The following AQP1 variants were observed in gnomAD, a reference collection of about 807,000 sequenced individuals.
AQP1 encodes the protein aquaporin-1.
In AQP1, 11 loss-of-function variants were observed where a neutral mutation model predicts 19.7. The observed-to-expected ratio is 0.56, with a 90% confidence interval of 0.35 to 0.92. The LOEUF is 0.92. Ranked by LOEUF, AQP1 falls within the 40% of genes least tolerant of loss-of-function variation. AQP1 has a pLI of 0.01. For synonymous variants in AQP1, 159 were observed against 166.7 expected (o/e 0.95, Z 0.36); for missense variants, 320 against 369.7 (o/e 0.87, Z 1.10).
chr7:30,921,436 G>A (rs970653755), intron 1 of AQP1: 2 of 1,443,914 alleles, frequency 1.4e-6, no homozygotes, highest in Admixed American at 5.5e-5. Flanking sequence ...AGGGCCAGAA[G>A]CAATGGGAGA....
At chr7:30,915,714 T>C (rs561168462) in intron 1 of AQP1, among the ~76,000 whole-genome samples, 2 of 152,298 alleles carry the variant, frequency 1.3e-5, no homozygotes, top group African/African-American at 2.4e-5. Context: ...GCCTGACTGC[T>C]CAAGAAGTGT....
chr7:30,922,102 A>G lies in AQP1; in HGVS notation c.421A>G (p.Ile141Val). The change falls in exon 2 of 4, where the codon ATC becomes GTC. Residue 141 changes from isoleucine to valine, a missense_variant. Physicochemically the swap from Ile to Val is conservative, Grantham distance 29. Coordinates refer to ENST00000311813, the MANE Select transcript of AQP1 (RefSeq NM_198098.4). Reference sequence around the variant, plus strand: ...TGTGAACTCGGGCCAGGGCCTGGGCATCGAGATCATCGGGACCCTCCAGCT... The same window carrying G: ...TGTGAACTCGGGCCAGGGCCTGGGCGTCGAGATCATCGGGACCCTCCAGCT... ...DGVNSGQGLGIEIIGTLQLVL... is the reference protein window; with the variant it reads ...DGVNSGQGLGVEIIGTLQLVL... 1.2e-6 allele frequency: 2 copies of G among 1,614,072 alleles called. No homozygotes were observed. The highest frequency in any genetic ancestry group is 8.5e-7 in the Non-Finnish European group (1 of 1,180,012).
intron 1 of AQP1, among the ~76,000 whole-genome samples, chr7:30,919,698 G>T (rs1791449435): frequency 6.6e-6 from 1 of 152,002 alleles, no homozygotes; most frequent in Non-Finnish European, 1.5e-5. Context: ...AAATTTAATG[G>T]GTTGTAAACA....
chr7:30,916,792 T>C (rs778631041), intron 1 of AQP1, among the ~76,000 whole-genome samples: 18 of 152,176 alleles, frequency 1.2e-4, no homozygotes, highest in Admixed American at 3.3e-4. Flanking sequence ...TTGTTGATAT[T>C]GTTGTTGACA....
At position 30,921,472 on chromosome 7, in the gene AQP1, G is replaced by A. The variant is rs187858042; in HGVS notation, c.385-594G>A. 1.5e-4 allele frequency: 221 copies of A among 1,470,494 alleles called. 3 individuals carry two copies. The South Asian group carries it at 1.9e-3, about 13-fold the overall frequency. 91.1% of individuals were successfully genotyped at this position (1,470,494 alleles called of 1,614,324 possible). A position where few individuals can be genotyped will look rare whatever the true frequency, so the allele number is the denominator to read the frequency against. Reference sequence around the variant, plus strand: ...CAGGCCTTGGACCAAGGAAAGAGACGGGGTGGAGAAGGAGAGAGAGAGGGT... The same window carrying A: ...CAGGCCTTGGACCAAGGAAAGAGACAGGGTGGAGAAGGAGAGAGAGAGGGT... On this transcript the variant is annotated intron_variant, in intron 1 of 3. Coordinates refer to ENST00000311813, the MANE Select transcript of AQP1 (RefSeq NM_198098.4).
intron 2 of AQP1, 68 bp downstream of exon 2, chr7:30,922,298 A>G: frequency 6.6e-7 from 1 of 1,519,058 alleles, no homozygotes. Context: ...GTGCCCTGCC[A>G]TGGGCAGCCA....
chr7:30,916,459 G>A (rs929222496), intron 1 of AQP1, among the ~76,000 whole-genome samples: 3 of 152,250 alleles, frequency 2.0e-5, no homozygotes, highest in East Asian at 1.9e-4. Context: ...CCCTCACACC[G>A]GGAGGTGAAG....
At position 30,924,104 on chromosome 7, in the gene AQP1, A is replaced by T. The variant is rs1005122797; in HGVS notation, c.*475A>T. ...AGGGGGAAGAGATCCCAGGAGGTGCAGTGGAGGGGGCAAGCTTTGCTCCTT... is the reference window on the plus strand; with the variant it reads ...AGGGGGAAGAGATCCCAGGAGGTGCTGTGGAGGGGGCAAGCTTTGCTCCTT... On this transcript the variant is annotated 3_prime_UTR_variant, in exon 4 of 4. Coordinates refer to ENST00000311813, the MANE Select transcript of AQP1 (RefSeq NM_198098.4). The T allele has an allele frequency of 2.2e-5, 26 of 1,198,756 alleles. No individual in the cohort carries two copies. The highest frequency in any genetic ancestry group is 2.6e-5 in the Non-Finnish European group (25 of 945,820). The allele number at this position is 1,198,756 out of a possible 1,614,324, so 74.3% of individuals were successfully genotyped here.
rs1791543200 is a variant in AQP1, at chr7:30,922,415, C to T, written c.550-149C>T. On this transcript the variant is annotated intron_variant, in intron 2 of 3. Transcript: ENST00000311813. ...GAGAGGAGCACAGGGACCTCCTGCCCAGCTTGGGGTCAGCACTCCTCTTTC... is the reference window on the plus strand; with the variant it reads ...GAGAGGAGCACAGGGACCTCCTGCCTAGCTTGGGGTCAGCACTCCTCTTTC... 3.9e-6 allele frequency: 5 copies of T among 1,275,958 alleles called. No individual in the cohort carries two copies. In the Admixed American group the frequency reaches 6.8e-5, roughly 17 times the overall value. 79.0% of individuals were successfully genotyped at this position (1,275,958 alleles called of 1,614,324 possible).
intron 1 of AQP1, among the ~76,000 whole-genome samples, chr7:30,915,268 G>A (rs1428017079): frequency 6.6e-6 from 1 of 152,160 alleles, no homozygotes; most frequent in Non-Finnish European, 1.5e-5. Flanking sequence ...GCTCCCTCCC[G>A]AGAGAAGCCC....
intron 1 of AQP1, among the ~76,000 whole-genome samples, chr7:30,918,885 G>T (rs1029101201): frequency 6.6e-6 from 1 of 152,244 alleles, no homozygotes; most frequent in African/African-American, 2.4e-5. Context: ...ATTGACCTGT[G>T]AGTGTAGGGT....
rs1309620554 is a variant in AQP1, at chr7:30,923,824, C to T, written c.*195C>T. 1.3e-6 allele frequency: 2 copies of T among 1,528,188 alleles called. No individual in the cohort carries two copies. The highest frequency in any genetic ancestry group is 1.2e-5 in the South Asian group (1 of 84,402). The allele number at this position is 1,528,188 out of a possible 1,614,324, so 94.7% of individuals were successfully genotyped here. On this transcript the variant is annotated 3_prime_UTR_variant, in exon 4 of 4. Coordinates refer to ENST00000311813, the MANE Select transcript of AQP1 (RefSeq NM_198098.4). This position sits in a 1 kb window ranked among gnomAD's most constrained non-coding sequence, Gnocchi z 4.8. ...TCTTTCTCTTTCTGTTTCCTGGCCT[C>T]AGAGCTTCCTGGGGACCAAGATTTA...
Position 30,923,508 on chromosome 7 carries a change from TC to T in AQP1, c.691del (p.Leu231TrpfsTer12), listed in dbSNP as rs1316833735. On this transcript the variant is annotated frameshift_variant, in exon 4 of 4. Coordinates refer to ENST00000311813, the MANE Select transcript of AQP1 (RefSeq NM_198098.4). LOFTEE classifies it high-confidence loss of function. This position sits in a 1 kb window ranked among gnomAD's most constrained non-coding sequence, Gnocchi z 4.8. ...GALAVLIYDF[I>X]LAPRSSDLTD... is the part of the protein sequence containing the mutation. The stretch of plus-strand genomic sequence containing the variant: ...CTGGCTGTACTCATCTACGACTTCA[TC>T]CTGGCCCCACGCAGCAGTGACCTCA... 1 of 1,614,102 alleles carries T rather than the reference TC, an allele frequency of 6.2e-7. No homozygotes were observed. Among genetic ancestry groups the T allele is most frequent in the Non-Finnish European group, 8.5e-7 (1 of 1,180,016 alleles).
intron 1 of AQP1, among the ~76,000 whole-genome samples, chr7:30,918,713 A>G (rs1002048664): frequency 3.3e-5 from 5 of 152,166 alleles, no homozygotes; most frequent in Admixed American, 1.3e-4. Context: ...TGGCCTGTCT[A>G]TGGGTAGCAG....
chr7:30,915,871 T>C (rs1485179517), intron 1 of AQP1, among the ~76,000 whole-genome samples: 1 of 152,056 alleles, frequency 6.6e-6, no homozygotes. Context: ...CCTCCAGAGC[T>C]CAGGGGAGGG....
Position 30,912,874 on chromosome 7 carries a change from A to G in AQP1, c.384+581A>G, listed in dbSNP as rs567108554. 4.0e-4 allele frequency among the ~76,000 whole-genome samples: 61 copies of G among 151,834 alleles called. No homozygotes were observed. In the East Asian group the frequency reaches 0.011, roughly 27 times the overall value. On this transcript the variant is annotated intron_variant, in intron 1 of 3. Coordinates refer to ENST00000311813, the MANE Select transcript of AQP1 (RefSeq NM_198098.4). This position sits in a 1 kb window ranked among gnomAD's most constrained non-coding sequence, Gnocchi z 4.3. ...TAGACAAAGATAAGGGAGTGAAAAC[A>G]CTCTCTGGGGCTGTTTGAAGGCAGT...
chr7:30,922,166 G>T lies in AQP1; in HGVS notation c.485G>T (p.Arg162Leu). Residue 162 changes from arginine (R) to leucine (L), a missense_variant, in exon 2 of 4, where the codon CGT (arginine) becomes CTT (leucine). Coordinates refer to ENST00000311813, the MANE Select transcript of AQP1 (RefSeq NM_198098.4). ...CTGGCTACTACCGACCGGAGGCGCCGTGACCTTGGTGGCTCAGCCCCCCTT... is the reference window on the plus strand; with the variant it reads ...CTGGCTACTACCGACCGGAGGCGCCTTGACCTTGGTGGCTCAGCCCCCCTT... Reference protein sequence around the residue: ...CVLATTDRRRRDLGGSAPLAI... With the variant: ...CVLATTDRRRLDLGGSAPLAI... 1 of 1,613,230 alleles carries T rather than the reference G, an allele frequency of 6.2e-7. No individual in the cohort carries two copies.
Position 30,916,487 on chromosome 7 carries a change from G to A in AQP1, c.384+4194G>A, listed in dbSNP as rs148314115. Among the ~76,000 whole-genome samples, 558 of 152,330 alleles carry A rather than the reference G, an allele frequency of 3.7e-3. 3 individuals are homozygous for A. Among genetic ancestry groups the A allele is most frequent in the African/African-American group, 0.013 (528 of 41,574 alleles). On this transcript the variant is annotated intron_variant, in intron 1 of 3. Coordinates refer to ENST00000311813, the MANE Select transcript of AQP1 (RefSeq NM_198098.4). ...AGGTGAAGGCAGGAAAATGCTGTCC[G>A]CGAGGCCCTGCAAGTGGCCAGGATC...
intron 1 of AQP1, among the ~76,000 whole-genome samples, chr7:30,917,871 AT>A (rs2128589536): frequency 6.6e-6 from 1 of 151,966 alleles, no homozygotes; most frequent in African/African-American, 2.4e-5. Context: ...GATTGTTAAC[AT>A]TTTTCACTCT....
Sources: allele counts gnomAD v4.1 joint callset (sites outside exome capture counted in the v4.1 genomes callset), GRCh38; gene constraint gnomAD v4.1.1; non-coding constraint Gnocchi (gnomAD v3.1); transcripts MANE v1.5; gene names NCBI Gene and HGNC (gene_info 2026-07-23, HGNC 2026-07-21).